The following ASPDH variants were observed in gnomAD, a reference collection of about 807,000 sequenced individuals.
The protein encoded by ASPDH is aspartate dehydrogenase domain containing.
In ASPDH, 25 loss-of-function variants were observed where a neutral mutation model predicts 30.5. The observed-to-expected ratio is 0.82, with a 90% confidence interval of 0.60 to 1.14. The LOEUF is 1.14. Ranked by LOEUF, ASPDH falls within the 50% of genes most tolerant of loss-of-function variation. The probability of loss-of-function intolerance (pLI) is 0.00; values close to 1 mark genes in which losing one functional copy is unlikely to be tolerated. For synonymous variants in ASPDH, 168 were observed against 156.3 expected, an observed-to-expected ratio of 1.07 and a Z score of -0.56; for missense variants, 401 against 381.5, an observed-to-expected ratio of 1.05 and a Z score of -0.43.
upstream of ASPDH, chr19:50,515,063 T>C (rs1980178200): frequency 1.0e-6 from 1 of 985,334 alleles, no homozygotes; most frequent in African/African-American, 1.7e-5. Context: ...CTCTACCTTC[T>C]GACTCCTGCT....
rs1346148534 is a variant in ASPDH at position 50,511,707 on chromosome 19, T to C, written c.*23A>G. ...TGGTGAGAGGCCAGGCAGATGATCT[T>C]GTCTCGGGAGGGAGGAGGCTTCTCA... On this transcript the variant is annotated 3_prime_UTR_variant, in exon 7 of 7. Transcript: ENST00000389208. 7.7e-7 allele frequency: 1 copy of C among 1,293,272 alleles called. No homozygotes were observed. Among genetic ancestry groups the C allele is most frequent in the East Asian group, 3.1e-5 (1 of 32,050 alleles). The allele number at this position is 1,293,272 out of a possible 1,614,324, so 80.1% of individuals were successfully genotyped here.
chr19:50,514,502 TC>T, upstream of ASPDH: 1 of 1,614,054 alleles, frequency 6.2e-7, no homozygotes, highest in South Asian at 1.1e-5. Context: ...TTTCACTCTG[TC>T]CCCCATCGTG....
At position 50,513,032 on chromosome 19, in the gene ASPDH, C is replaced by T. The variant is rs199768140; in HGVS notation, c.198-21G>A. The T allele has an allele frequency of 1.9e-4, 306 of 1,598,376 alleles. No homozygotes were observed. The highest frequency in any genetic ancestry group is 3.0e-4 in the Admixed American group (18 of 59,358). Reference sequence around the variant, plus strand: ...GGCGCCTGGGAGAGGGGAAAGAGGGCGGAGGGTCTTGGAGAGGTATTAGGC... The same window carrying T: ...GGCGCCTGGGAGAGGGGAAAGAGGGTGGAGGGTCTTGGAGAGGTATTAGGC... On this transcript the variant is annotated intron_variant, in intron 2 of 6. Transcript: ENST00000389208. This position sits in a 1 kb window ranked among gnomAD's most constrained non-coding sequence, Gnocchi z 4.9.
At chr19:50,512,053 C>A in intron 6 of ASPDH, 83 bp downstream of exon 6, 1 of 1,205,818 alleles carries the variant, frequency 8.3e-7, no homozygotes, top group Non-Finnish European at 1.1e-6. Flanking sequence ...AGAACCAGAA[C>A]TGCAGAACTA....
upstream of ASPDH, chr19:50,513,982 G>T (rs1223333320): frequency 1.2e-6 from 1 of 860,598 alleles, no homozygotes; most frequent in African/African-American, 1.7e-5. The surrounding 1 kb of genome is among the most constrained non-coding windows in gnomAD (Gnocchi z 4.9). Context: ...TGGGCCTGCG[G>T]GAGTGGAGGC....
intron 6 of ASPDH, 123 bp downstream of exon 6, chr19:50,512,013 G>A (rs1350359441): frequency 2.3e-6 from 2 of 874,674 alleles, no homozygotes; most frequent in Non-Finnish European, 3.3e-6. Context: ...AGGAAATAAA[G>A]GTCAGAAAGA....
rs1233070552 is a variant in ASPDH, at chr19:50,513,060, C to T, written c.198-49G>A. On this transcript the variant is annotated intron_variant, in intron 2 of 6. Transcript: ENST00000389208. This position sits in a 1 kb window ranked among gnomAD's most constrained non-coding sequence, Gnocchi z 4.9. ...AGGGTCTTGGAGAGGTATTAGGCCT[C>T]TTCTCCCCAAGGTTCCCTCCGAGTC... 3 of 1,498,972 alleles carry T rather than the reference C, an allele frequency of 2.0e-6. No individual in the cohort carries two copies. Among genetic ancestry groups the T allele is most frequent in the South Asian group, 2.4e-5 (2 of 82,328 alleles). The allele number at this position is 1,498,972 out of a possible 1,614,324, so 92.9% of individuals were successfully genotyped here. A position where few individuals can be genotyped will look rare whatever the true frequency, so the allele number is the denominator to read the frequency against.
At chr19:50,514,578 G>A (rs889131), upstream of ASPDH, 1,131,678 of 1,612,434 alleles carry the variant, frequency 0.7, 400,364 homozygotes, top group African/African-American at 0.92. Flanking sequence ...CCCAGCTCGC[G>A]TCAGCCCAGG....
Position 50,511,654 on chromosome 19 carries a change from G to T in ASPDH, c.*76C>A. Reference sequence around the variant, plus strand: ...GAGTCAGAAGGGAGACCCTGGGGAAGTGGGGCAGGGCAGGGGTGGGATGGT... The same window carrying T: ...GAGTCAGAAGGGAGACCCTGGGGAATTGGGGCAGGGCAGGGGTGGGATGGT... On this transcript the variant is annotated 3_prime_UTR_variant, in exon 7 of 7. Coordinates refer to ENST00000389208, the MANE Select transcript of ASPDH (RefSeq NM_001114598.2). The T allele has an allele frequency of 1.1e-6, 1 of 927,878 alleles. No homozygotes were observed. Among genetic ancestry groups the T allele is most frequent in the Non-Finnish European group, 1.5e-6 (1 of 682,248 alleles). The allele number at this position is 927,878 out of a possible 1,614,324, so 57.5% of individuals were successfully genotyped here.
chr19:50,513,081 G>T lies in ASPDH; in HGVS notation c.198-70C>A. The stretch of plus-strand genomic sequence containing the variant: ...GCCTCTTCTCCCCAAGGTTCCCTCC[G>T]AGTCTACTGAGGGCTGCCCTTCTTC... On this transcript the variant is annotated intron_variant, in intron 2 of 6. Transcript: ENST00000389208. This position sits in a 1 kb window ranked among gnomAD's most constrained non-coding sequence, Gnocchi z 4.9. 7.2e-7 allele frequency: 1 copy of T among 1,390,670 alleles called. No homozygotes were observed. The highest frequency in any genetic ancestry group is 9.9e-7 in the Non-Finnish European group (1 of 1,005,924). 86.1% of individuals were successfully genotyped at this position (1,390,670 alleles called of 1,614,324 possible).
rs777271207 is a variant in ASPDH, at chr19:50,513,037, G to T, written c.198-26C>A. The T allele has an allele frequency of 1.3e-6, 2 of 1,586,202 alleles. No homozygotes were observed. The highest frequency in any genetic ancestry group is 3.4e-5 in the Admixed American group (2 of 58,316). On this transcript the variant is annotated intron_variant, in intron 2 of 6. Transcript: ENST00000389208. This position sits in a 1 kb window ranked among gnomAD's most constrained non-coding sequence, Gnocchi z 4.9. ...CTGGGAGAGGGGAAAGAGGGCGGAGGGTCTTGGAGAGGTATTAGGCCTCTT... is the reference window on the plus strand; with the variant it reads ...CTGGGAGAGGGGAAAGAGGGCGGAGTGTCTTGGAGAGGTATTAGGCCTCTT...
chr19:50,512,890 G>A (rs1338733971), intron 3 of ASPDH, 37 bp downstream of exon 3: 16 of 1,605,314 alleles, frequency 1.0e-5, no homozygotes, highest in Non-Finnish European at 1.2e-5. Context: ...AGACAGAAGG[G>A]GCAGGGCTCT....
rs763280559 is a variant in ASPDH, at chr19:50,513,061, T to A, written c.198-50A>T. 1.3e-6 allele frequency: 2 copies of A among 1,495,852 alleles called. No individual in the cohort carries two copies. Among genetic ancestry groups the A allele is most frequent in the African/African-American group, 2.8e-5 (2 of 71,894 alleles). The allele number at this position is 1,495,852 out of a possible 1,614,324, so 92.7% of individuals were successfully genotyped here. ...GGGTCTTGGAGAGGTATTAGGCCTC[T>A]TCTCCCCAAGGTTCCCTCCGAGTCT... On this transcript the variant is annotated intron_variant, in intron 2 of 6. Coordinates refer to ENST00000389208, the MANE Select transcript of ASPDH (RefSeq NM_001114598.2). The surrounding 1 kb of genome is among the most constrained non-coding windows in gnomAD (Gnocchi z 4.9).
chr19:50,513,519 G>A lies in ASPDH; in HGVS notation c.53-103C>T. The A allele has an allele frequency of 1.6e-6, 2 of 1,235,912 alleles. No individual in the cohort carries two copies. Among genetic ancestry groups the A allele is most frequent in the Non-Finnish European group, 2.2e-6 (2 of 908,426 alleles). 76.6% of individuals were successfully genotyped at this position (1,235,912 alleles called of 1,614,324 possible). A position where few individuals can be genotyped will look rare whatever the true frequency, so the allele number is the denominator to read the frequency against. ...GAGACCCAGAGAGAGAGGAGGTGGG[G>A]ACAGACTCAGATTGCGGGGTAGGGA... On this transcript the variant is annotated intron_variant, in intron 1 of 6. Coordinates refer to ENST00000389208, the MANE Select transcript of ASPDH (RefSeq NM_001114598.2). This position sits in a 1 kb window ranked among gnomAD's most constrained non-coding sequence, Gnocchi z 4.9.
Position 50,512,271 on chromosome 19 carries a change from C to G in ASPDH, c.673G>C (p.Val225Leu), listed in dbSNP as rs200946914. The G allele has an allele frequency of 2.5e-6, 4 of 1,613,652 alleles. No individual in the cohort carries two copies. The East Asian group carries it at 8.9e-5, about 36-fold the overall frequency. The change falls in exon 6 of 7, where the codon GTG becomes CTG. Residue 225 changes from valine (V) to leucine (L), a missense_variant. Transcript: ENST00000389208. ...ADTSLTDMHV[V>L]DVELSGPRGP... Reference sequence around the variant, plus strand: ...CGGGGTCCGCTCAGCTCTACATCCACCACGTGCATGTCCGTGAGGCTGGGA... The same window carrying G: ...CGGGGTCCGCTCAGCTCTACATCCAGCACGTGCATGTCCGTGAGGCTGGGA...
chr19:50,514,672 T>C (rs369042725), upstream of ASPDH: 6 of 1,541,262 alleles, frequency 3.9e-6, no homozygotes, highest in African/African-American at 6.8e-5. Context: ...GCATCGGAAA[T>C]GGCGCAGGCT....
upstream of ASPDH, chr19:50,514,468 T>G: frequency 1.9e-6 from 3 of 1,614,140 alleles, no homozygotes; most frequent in Non-Finnish European, 2.5e-6. Flanking sequence ...CTGATCATCC[T>G]TCAGTTCACC....
In ASPDH at chr19:50,511,653, A is replaced by C; in HGVS notation, c.*77T>G. 4 of 875,848 alleles carry C rather than the reference A, an allele frequency of 4.6e-6. No homozygotes were observed. Among genetic ancestry groups the C allele is most frequent in the Non-Finnish European group, 4.7e-6 (3 of 638,684 alleles). 54.3% of individuals were successfully genotyped at this position (875,848 alleles called of 1,614,324 possible). A position where few individuals can be genotyped will look rare whatever the true frequency, so the allele number is the denominator to read the frequency against. ...TGAGTCAGAAGGGAGACCCTGGGGAAGTGGGGCAGGGCAGGGGTGGGATGG... is the reference window on the plus strand; with the variant it reads ...TGAGTCAGAAGGGAGACCCTGGGGACGTGGGGCAGGGCAGGGGTGGGATGG... On this transcript the variant is annotated 3_prime_UTR_variant, in exon 7 of 7. Transcript: ENST00000389208.
At chr19:50,513,918 C>G, upstream of ASPDH, 1 of 1,437,000 alleles carries the variant, frequency 7.0e-7, no homozygotes, top group Non-Finnish European at 9.3e-7. The surrounding 1 kb of genome is among the most constrained non-coding windows in gnomAD (Gnocchi z 4.9). Flanking sequence ...ACATCTGACC[C>G]TTGAGCCTCT....
Sources: gnomAD v4.1 joint callset for allele counts on GRCh38, gnomAD v4.1.1 for gene constraint, Gnocchi (gnomAD v3.1) non-coding constraint, MANE v1.5 for transcripts, NCBI Gene and HGNC (gene_info 2026-07-23, HGNC 2026-07-21) for gene names.